GLYATL3: variants seen among roughly 807,000 people sequenced by gnomAD.
GLYATL3 encodes the protein glycine N-acyltransferase-like protein 3.
GLYATL3 carries 31 observed loss-of-function variants against 28.5 expected under a neutral mutation model. The observed-to-expected ratio is 1.09, with a 90% CI of 0.82 to 1.47. GLYATL3 has a LOEUF of 1.47. Among genes scored for constraint, GLYATL3 ranks in the 40% most tolerant of loss-of-function variants. GLYATL3 has a pLI of 0.00. For synonymous variants in GLYATL3, 141 were observed against 140.2 expected (o/e 1.01, Z -0.04); for missense variants, 369 against 351.5 (o/e 1.05, Z -0.40).
chr6:49,520,160 C>G (rs575336343), intron 4 of GLYATL3, among the ~76,000 whole-genome samples: 1 of 152,122 alleles, frequency 6.6e-6, no homozygotes, highest in Non-Finnish European at 1.5e-5. Context: ...AAGAGGCAAT[C>G]AACAAAATCC....
intron 1 of GLYATL3, among the ~76,000 whole-genome samples, chr6:49,507,905 T>A (rs1477610896): frequency 6.6e-6 from 1 of 152,078 alleles, no homozygotes; most frequent in Non-Finnish European, 1.5e-5. Context: ...GAATTTAGGG[T>A]CATTTGATTA....
chr6:49,508,030 A>G (rs1769045155), intron 1 of GLYATL3, among the ~76,000 whole-genome samples: 1 of 152,164 alleles, frequency 6.6e-6, no homozygotes, highest in South Asian at 2.1e-4. Context: ...AGTAATTTCT[A>G]ACAGAGCTTT....
chr6:49,510,744 G>A (rs1037101917), intron 1 of GLYATL3, among the ~76,000 whole-genome samples: 7 of 152,116 alleles, frequency 4.6e-5, no homozygotes, highest in Non-Finnish European at 8.8e-5. Context: ...TCCAGACTGG[G>A]ATTCAAAAGC....
chr6:49,526,455 G>T, intron 5 of GLYATL3, 33 bp from the exon 6 acceptor site: 3 of 1,525,746 alleles, frequency 2.0e-6, no homozygotes, highest in Non-Finnish European at 2.7e-6. Flanking sequence ...ATGAGTCTGA[G>T]GTCCTATTTG....
chr6:49,524,201 A>C (rs1769363123), intron 5 of GLYATL3, among the ~76,000 whole-genome samples: 1 of 6,472 alleles, frequency 1.5e-4, no homozygotes, highest in Non-Finnish European at 6.0e-4. Context: ...GCCTGCTTTA[A>C]AGTTCATTTT....
chr6:49,517,376 T>C (rs1029651077), intron 3 of GLYATL3, 54 bp from the exon 4 acceptor site: 1 of 1,436,020 alleles, frequency 7.0e-7, no homozygotes, highest in African/African-American at 1.4e-5. Flanking sequence ...TACCTAAGAT[T>C]TGGATTATCC....
chr6:49,509,947 T>C (rs1451776430), intron 1 of GLYATL3, among the ~76,000 whole-genome samples: 1 of 46,982 alleles, frequency 2.1e-5, no homozygotes, highest in Admixed American at 1.9e-4. Flanking sequence ...GTATTTTCTT[T>C]CTCTTTCTTT....
rs148134344 is a variant in GLYATL3 at position 49,502,425 on chromosome 6, A to C, written c.-29+2383A>C. ...TTAGCTTGCTTATGTCTAAACTTAA[A>C]TTATCTTCACTTCCTTGTAAATGGC... On this transcript the variant is annotated intron_variant, in intron 1 of 5. Transcript: ENST00000371197. Among the ~76,000 whole-genome samples, 243 of 152,336 alleles carry C rather than the reference A, an allele frequency of 1.6e-3. 5 individuals are homozygous for C. In the East Asian group the frequency reaches 0.044, roughly 27 times the overall value.
intron 5 of GLYATL3, among the ~76,000 whole-genome samples, chr6:49,523,528 G>A (rs1342699533): frequency 6.6e-6 from 1 of 152,176 alleles, no homozygotes. Flanking sequence ...ATTTATGTGA[G>A]TCCTGGAAAT....
intron 5 of GLYATL3, 136 bp from the exon 6 acceptor site, chr6:49,526,352 G>T: frequency 1.5e-6 from 1 of 673,360 alleles, no homozygotes; most frequent in Non-Finnish European, 2.5e-6. Context: ...GGCAGAGGTT[G>T]CAGTGAGCAG....
intron 1 of GLYATL3, among the ~76,000 whole-genome samples, chr6:49,505,984 C>T (rs533839576): frequency 1.1e-4 from 16 of 152,244 alleles, no homozygotes; most frequent in South Asian, 2.1e-4. Context: ...AGTTAGAGAA[C>T]GAGGACTGTT....
intron 1 of GLYATL3, among the ~76,000 whole-genome samples, 191 bp from the exon 2 acceptor site, chr6:49,511,772 G>T (rs1769126212): frequency 6.6e-6 from 1 of 152,116 alleles, no homozygotes; most frequent in African/African-American, 2.4e-5. Flanking sequence ...TTGGGATTAG[G>T]TCATTAACAC....
chr6:49,526,635 G>A lies in GLYATL3; in HGVS notation c.588G>A (p.Glu196=). 6.4e-7 allele frequency: 1 copy of A among 1,551,928 alleles called. No homozygotes were observed. The highest frequency in any genetic ancestry group is 8.7e-7 in the Non-Finnish European group (1 of 1,147,044). ...SCFPSVCVRD[E]KGNPVSWSIT... is the part of the protein sequence containing the mutation. ...TCCCTAGTGTGTGTGTCCGGGATGAGAAGGGAAACCCGGTCTCCTGGTCCA... is the reference window on the plus strand; with the variant it reads ...TCCCTAGTGTGTGTGTCCGGGATGAAAAGGGAAACCCGGTCTCCTGGTCCA... The change falls in exon 6 of 6, where the codon GAG becomes GAA. Residue 196 remains glutamate (E), a synonymous_variant. Transcript: ENST00000371197.
chr6:49,505,763 C>T (rs1561975636), intron 1 of GLYATL3, among the ~76,000 whole-genome samples: 1 of 152,070 alleles, frequency 6.6e-6, no homozygotes, highest in Admixed American at 6.5e-5. Flanking sequence ...ATCAAAGTGG[C>T]CATTTGATCA....
intron 3 of GLYATL3, among the ~76,000 whole-genome samples, chr6:49,516,167 G>A (rs931506761): frequency 6.6e-6 from 1 of 151,932 alleles, no homozygotes; most frequent in Non-Finnish European, 1.5e-5. Context: ...GGCTGATCTC[G>A]AACTCCTGAC....
At position 49,526,644 on chromosome 6, in the gene GLYATL3, C is replaced by T. The variant is rs1347443389; in HGVS notation, c.597C>T (p.Asn199=). ...TGTGTGTCCGGGATGAGAAGGGAAACCCGGTCTCCTGGTCCATCACAGACC... is the reference window on the plus strand; with the variant it reads ...TGTGTGTCCGGGATGAGAAGGGAAATCCGGTCTCCTGGTCCATCACAGACC... The part of the protein sequence containing the change: ...PSVCVRDEKG[N]PVSWSITDQF... Residue 199 remains asparagine, a synonymous_variant, in exon 6 of 6, where the codon AAC becomes AAT. Transcript: ENST00000371197. 1.3e-6 allele frequency: 2 copies of T among 1,551,878 alleles called. No homozygotes were observed.
Position 49,521,474 on chromosome 6 carries a change from A to G in GLYATL3, c.314-171A>G, listed in dbSNP as rs372591565. On this transcript the variant is annotated intron_variant, in intron 4 of 5. Transcript: ENST00000371197. Reference sequence around the variant, plus strand: ...TTTGAAACGCCTACAAAAATTTGAAACTTAGACAATAGCTGTAATAATTTA... The same window carrying G: ...TTTGAAACGCCTACAAAAATTTGAAGCTTAGACAATAGCTGTAATAATTTA... 1.4e-4 allele frequency among the ~76,000 whole-genome samples: 21 copies of G among 152,324 alleles called. No individual in the cohort carries two copies. The East Asian group carries it at 3.5e-3, about 25-fold the overall frequency.
In GLYATL3 at chr6:49,526,503, A is replaced by G; in HGVS notation, c.456A>G (p.Pro152=). 6.4e-7 allele frequency: 1 copy of G among 1,551,374 alleles called. No homozygotes were observed. Among genetic ancestry groups the G allele is most frequent in the Non-Finnish European group, 8.7e-7 (1 of 1,146,746 alleles). The change falls in exon 6 of 6, where the codon CCA becomes CCG. Residue 152 remains proline (P), a synonymous_variant. Coordinates refer to ENST00000371197, the MANE Select transcript of GLYATL3 (RefSeq NM_001010904.2). ...PDTSFLKGPS[P]RLTYLSVANA... ...TCTGGTCTAGCAAGGGGCCTTCCCC[A>G]CGACTAACCTACCTGAGTGTTGCCA...
intron 4 of GLYATL3, among the ~76,000 whole-genome samples, chr6:49,521,378 C>T (rs1462739665): frequency 2.0e-5 from 3 of 152,026 alleles, no homozygotes; most frequent in African/African-American, 7.3e-5. Flanking sequence ...TCTAAAGTCC[C>T]GTGAGATATT....
Sources: allele counts gnomAD v4.1 joint callset (sites outside exome capture counted in the v4.1 genomes callset), GRCh38; gene constraint gnomAD v4.1.1; transcripts MANE v1.5; gene names NCBI Gene and HGNC (gene_info 2026-07-23, HGNC 2026-07-21).